The following ACBD6 variants were observed in gnomAD, a reference collection of about 807,000 sequenced individuals.
ACBD6 encodes acyl-CoA binding domain containing 6.
A neutral mutation model predicts 37.2 loss-of-function variants in ACBD6; 28 were observed. That is an observed-to-expected ratio of 0.75 (90% CI 0.56 to 1.03). The LOEUF is 1.03. ACBD6 is among the 50% of genes least tolerant of loss of function. The pLI is 0.00. For missense variants in ACBD6, 340 were observed against 337.4 expected, an observed-to-expected ratio of 1.01 and a Z score of -0.06; for synonymous variants, 113 against 126.8, an observed-to-expected ratio of 0.89 and a Z score of 0.73.
intron 6 of ACBD6, among the ~76,000 whole-genome samples, chr1:180,350,464 C>T (rs73048318): frequency 0.012 from 1,820 of 152,234 alleles, 44 homozygotes; most frequent in African/African-American, 0.042. Flanking sequence ...AATTCAACAT[C>T]AATAACCAAA....
intron 6 of ACBD6, 107 bp downstream of exon 6, chr1:180,397,409 T>TA (rs1654301842): frequency 1.0e-6 from 1 of 972,570 alleles, no homozygotes; most frequent in African/African-American, 1.6e-5. Flanking sequence ...TGAAATGTAC[T>TA]AAACGCCACT....
At chr1:180,286,833 T>C (rs991797819), downstream of ACBD6, 2 of 152,234 alleles carry the variant, frequency 1.3e-5, no homozygotes, top group African/African-American at 2.4e-5. Context: ...ATTTCTGTTA[T>C]AGAGGGGCTT....
chr1:180,473,997 C>A (rs1650677426), intron 3 of ACBD6, among the ~76,000 whole-genome samples: 1 of 152,148 alleles, frequency 6.6e-6, no homozygotes, highest in Admixed American at 6.5e-5. Flanking sequence ...CAATCTTATA[C>A]ATAATAGGGT....
At chr1:180,285,582 T>C (rs1236223213), downstream of ACBD6, among the ~76,000 whole-genome samples, 2 of 152,194 alleles carry the variant, frequency 1.3e-5, no homozygotes, top group Non-Finnish European at 2.9e-5. Flanking sequence ...TGATAAAAGC[T>C]TTCATGTTCA....
intron 6 of ACBD6, among the ~76,000 whole-genome samples, chr1:180,351,569 G>C (rs1196518669): frequency 6.9e-6 from 1 of 144,206 alleles, no homozygotes; most frequent in Non-Finnish European, 1.5e-5. Context: ...CACTGTGCCT[G>C]GCCCGATATT....
chr1:180,336,804 TA>T (rs978590148), intron 6 of ACBD6, among the ~76,000 whole-genome samples: 3 of 151,434 alleles, frequency 2.0e-5, no homozygotes, highest in Non-Finnish European at 4.4e-5. Flanking sequence ...ATAGATGCAA[TA>T]AAAAATGATA....
rs185979742 is a variant in ACBD6 at position 180,318,612 on chromosome 1, C to T, written c.664-3890G>A. ...TAAGATCACTTAGTTGACTTCTTAG[C>T]GGGATTTTTGAAAACTTAAGAAGTG... is the stretch of plus-strand genomic sequence containing the variant. On this transcript the variant is annotated intron_variant, in intron 6 of 7. Transcript: ENST00000367595. Among the ~76,000 whole-genome samples the T allele has an allele frequency of 1.2e-4, 18 of 152,208 alleles. No individual in the cohort carries two copies. In the East Asian group the frequency reaches 1.5e-3, roughly 13 times the overall value.
intron 7 of ACBD6, among the ~76,000 whole-genome samples, chr1:180,299,737 C>T (rs181275750): frequency 1.3e-5 from 2 of 151,948 alleles, no homozygotes; most frequent in Admixed American, 1.3e-4. Flanking sequence ...CCTTGATTTC[C>T]CCTGGGAGAC....
In ACBD6 at chr1:180,424,951, G is replaced by A. The variant is rs144726958; in HGVS notation, c.467+5229C>T. Among the ~76,000 whole-genome samples the A allele has an allele frequency of 1.9e-3, 288 of 152,222 alleles. 1 individual carries two copies. Among genetic ancestry groups the A allele is most frequent in the African/African-American group, 6.7e-3 (277 of 41,536 alleles). Reference sequence around the variant, plus strand: ...CCAGGAGACTCTTACAACAGTTACTGTTTATGTCAAGACCCACATGTCCCA... The same window carrying A: ...CCAGGAGACTCTTACAACAGTTACTATTTATGTCAAGACCCACATGTCCCA... On this transcript the variant is annotated intron_variant, in intron 4 of 7. Transcript: ENST00000367595.
intron 6 of ACBD6, among the ~76,000 whole-genome samples, chr1:180,343,847 T>C (rs1652074814): frequency 6.6e-6 from 1 of 152,132 alleles, no homozygotes; most frequent in South Asian, 2.1e-4. Context: ...GGCAGGTGAA[T>C]CGCTTGAGCC....
At chr1:180,367,726 C>G (rs1306696988) in intron 6 of ACBD6, among the ~76,000 whole-genome samples, 1 of 152,092 alleles carries the variant, frequency 6.6e-6, no homozygotes, top group African/African-American at 2.4e-5. Flanking sequence ...TGATCTTGTT[C>G]TTTTTTATGG....
chr1:180,329,204 C>T (rs1651376630), intron 6 of ACBD6, among the ~76,000 whole-genome samples: 1 of 152,170 alleles, frequency 6.6e-6, no homozygotes, highest in Non-Finnish European at 1.5e-5. Flanking sequence ...TATGATTGAA[C>T]AAAAACATCA....
chr1:180,420,560 A>G (rs1261469108), intron 4 of ACBD6, among the ~76,000 whole-genome samples: 1 of 152,198 alleles, frequency 6.6e-6, no homozygotes, highest in East Asian at 1.9e-4. Flanking sequence ...TTTGGGAGCC[A>G]GTAGATTGCA....
At chr1:180,478,264 GT>G in intron 3 of ACBD6, among the ~76,000 whole-genome samples, 1 of 151,778 alleles carries the variant, frequency 6.6e-6, no homozygotes, top group South Asian at 2.1e-4. Flanking sequence ...TAATCTTATA[GT>G]TTTTATTGTG....
At chr1:180,469,710 A>G (rs931864847) in intron 3 of ACBD6, among the ~76,000 whole-genome samples, 3 of 152,196 alleles carry the variant, frequency 2.0e-5, no homozygotes, top group African/African-American at 4.8e-5. Context: ...TAATTTCTCT[A>G]TAATTTCAAC....
chr1:180,454,356 C>T (rs1373931414), intron 3 of ACBD6, among the ~76,000 whole-genome samples: 2 of 152,176 alleles, frequency 1.3e-5, no homozygotes, highest in Non-Finnish European at 2.9e-5. Flanking sequence ...CTTCCTTACA[C>T]CTTATACAAA....
At chr1:180,427,241 TA>T (rs781101528) in intron 4 of ACBD6, among the ~76,000 whole-genome samples, 1 of 152,034 alleles carries the variant, frequency 6.6e-6, no homozygotes, top group Non-Finnish European at 1.5e-5. Flanking sequence ...TTTACAAATG[TA>T]AAAAAAATCT....
chr1:180,271,507 G>T (rs757269879), exon 14 of ACBD6: 2 of 1,614,050 alleles, frequency 1.2e-6, no homozygotes, highest in Non-Finnish European at 1.7e-6. Flanking sequence ...TGTCCTCAGA[G>T]ACAGGCCTGG....
intron 5 of ACBD6, among the ~76,000 whole-genome samples, chr1:180,404,994 T>C (rs1023921526): frequency 2.0e-5 from 3 of 152,190 alleles, no homozygotes; most frequent in Admixed American, 6.5e-5. Flanking sequence ...ATAAGCGTAA[T>C]AGACAATTTG....
Sources: allele counts gnomAD v4.1 joint callset (sites outside exome capture counted in the v4.1 genomes callset), GRCh38; gene constraint gnomAD v4.1.1; transcripts MANE v1.5; gene names NCBI Gene and HGNC (gene_info 2026-07-23, HGNC 2026-07-21).